MGAT5: variants seen among roughly 807,000 people sequenced by gnomAD.
The protein encoded by MGAT5 is alpha-1,6-mannosylglycoprotein 6-beta-N-acetylglucosaminyltransferase, also known as alpha-1,6-mannosylglycoprotein 6-beta-N-acetylglucosaminyltransferase A.
MGAT5 carries 30 observed loss-of-function variants against 94.3 expected under a neutral mutation model. The observed-to-expected ratio is 0.32, with a 90% confidence interval of 0.24 to 0.43. MGAT5 has a LOEUF of 0.43. Ranked by LOEUF, MGAT5 falls within the 20% of genes least tolerant of loss-of-function variation. The pLI, the probability that MGAT5 is intolerant of heterozygous loss-of-function variation, is 1.00. For missense variants in MGAT5, 691 were observed against 905.5 expected (o/e 0.76, Z 3.04); for synonymous variants, 310 against 322.9 (o/e 0.96, Z 0.43).
At chr2:134,325,016 A>AG (rs1687559223) in intron 4 of MGAT5, among the ~76,000 whole-genome samples, 2 of 151,078 alleles carry the variant, frequency 1.3e-5, no homozygotes, top group Non-Finnish European at 2.9e-5. Flanking sequence ...AATTTAAAAA[A>AG]AAAAAAATCC....
intron 1 of MGAT5, among the ~76,000 whole-genome samples, chr2:134,126,087 C>A (rs1173932093): frequency 3.9e-5 from 6 of 152,200 alleles, no homozygotes; most frequent in Non-Finnish European, 8.8e-5. Flanking sequence ...AGAGCAGAGG[C>A]CACACAAAAT....
intron 1 of MGAT5, among the ~76,000 whole-genome samples, chr2:134,191,534 C>A (rs528155513): frequency 1.8e-3 from 261 of 148,430 alleles, no homozygotes; most frequent in African/African-American, 6.1e-3. Context: ...CTCCTCCTTG[C>A]GGGAGCGGGT....
chr2:134,164,972 G>A (rs1376468359), intron 1 of MGAT5, among the ~76,000 whole-genome samples: 1 of 152,180 alleles, frequency 6.6e-6, no homozygotes, highest in Non-Finnish European at 1.5e-5. Flanking sequence ...CCTCCAGCAC[G>A]GTGTTGGTAG....
intron 10 of MGAT5, among the ~76,000 whole-genome samples, chr2:134,388,168 C>CT (rs1682148069): frequency 6.6e-6 from 1 of 152,166 alleles, no homozygotes; most frequent in Non-Finnish European, 1.5e-5. Flanking sequence ...TTTCTCTCCA[C>CT]TTTGAGTATT....
At chr2:134,162,050 C>G (rs1049014774) in intron 1 of MGAT5, among the ~76,000 whole-genome samples, 1 of 151,712 alleles carries the variant, frequency 6.6e-6, no homozygotes, top group African/African-American at 2.4e-5. Context: ...ATTAGCTGGT[C>G]ATGGTGGTGC....
At chr2:134,309,618 C>T (rs906492892) in intron 2 of MGAT5, among the ~76,000 whole-genome samples, 5 of 152,152 alleles carry the variant, frequency 3.3e-5, no homozygotes, top group African/African-American at 1.2e-4. Flanking sequence ...CAGCTGTGTT[C>T]TTCCTATCAT....
At chr2:134,366,308 A>G (rs147358053) in intron 10 of MGAT5, among the ~76,000 whole-genome samples, 4 of 152,236 alleles carry the variant, frequency 2.6e-5, no homozygotes, top group Admixed American at 6.5e-5. Flanking sequence ...AAATATGGGA[A>G]TTGAAGTGTT....
intron 8 of MGAT5, among the ~76,000 whole-genome samples, chr2:134,346,771 G>A (rs1418024521): frequency 5.3e-5 from 8 of 152,132 alleles, no homozygotes; most frequent in Non-Finnish European, 1.5e-5. Flanking sequence ...CACACAACTA[G>A]TATTCTGCTA....
intron 13 of MGAT5, among the ~76,000 whole-genome samples, chr2:134,423,202 A>G (rs1045872279): frequency 4.6e-5 from 7 of 152,348 alleles, no homozygotes; most frequent in Non-Finnish European, 8.8e-5. Context: ...TACTTGGTTC[A>G]GTGACCTGAT....
chr2:134,329,384 G>A (rs1687820759), intron 4 of MGAT5, among the ~76,000 whole-genome samples: 1 of 152,118 alleles, frequency 6.6e-6, no homozygotes, highest in Admixed American at 6.6e-5. Context: ...AGAACAAATG[G>A]TAGGAGCAAG....
chr2:134,224,320 A>G (rs754822506), intron 1 of MGAT5, among the ~76,000 whole-genome samples: 8 of 152,218 alleles, frequency 5.3e-5, no homozygotes, highest in African/African-American at 1.9e-4. Context: ...GTAAAGTGCT[A>G]TGAATGAGTG....
intron 1 of MGAT5, among the ~76,000 whole-genome samples, chr2:134,207,913 A>G (rs1206648134): frequency 6.6e-6 from 1 of 152,254 alleles, no homozygotes; most frequent in Non-Finnish European, 1.5e-5. Flanking sequence ...TTTGTGTGTC[A>G]TAACTTAAAG....
chr2:134,187,259 A>G (rs781522367), intron 1 of MGAT5, among the ~76,000 whole-genome samples: 15 of 152,140 alleles, frequency 9.9e-5, no homozygotes, highest in Non-Finnish European at 2.9e-5. Flanking sequence ...ATTTGTTTTT[A>G]CAAGGATCAT....
At chr2:134,163,740 C>T (rs933497157) in intron 1 of MGAT5, among the ~76,000 whole-genome samples, 4 of 152,180 alleles carry the variant, frequency 2.6e-5, no homozygotes, top group African/African-American at 9.7e-5. Flanking sequence ...ACACAGTTCC[C>T]ATTCATTACC....
chr2:134,313,627 A>T (rs1483227314), intron 2 of MGAT5, among the ~76,000 whole-genome samples: 1 of 152,168 alleles, frequency 6.6e-6, no homozygotes, highest in Non-Finnish European at 1.5e-5. Context: ...AAAAAATGGC[A>T]TGGGGAAAGC....
intron 10 of MGAT5, among the ~76,000 whole-genome samples, chr2:134,382,082 C>T (rs770327676): frequency 8.3e-4 from 126 of 152,104 alleles, no homozygotes; most frequent in Non-Finnish European, 1.5e-3. Flanking sequence ...TGGAATCACC[C>T]GGAGAGCCAT....
intron 1 of MGAT5, among the ~76,000 whole-genome samples, chr2:134,220,301 G>A (rs889267826): frequency 1.3e-5 from 2 of 152,084 alleles, no homozygotes; most frequent in African/African-American, 4.8e-5. Context: ...CATTCACTCC[G>A]TTTTTCTTTC....
intron 1 of MGAT5, among the ~76,000 whole-genome samples, chr2:134,188,667 A>G (rs938040755): frequency 6.6e-6 from 1 of 152,154 alleles, no homozygotes; most frequent in African/African-American, 2.4e-5. Flanking sequence ...TGGAAAAAGG[A>G]GGTGGTGGGG....
intron 1 of MGAT5, among the ~76,000 whole-genome samples, chr2:134,131,081 T>G (rs1340730401): frequency 6.6e-6 from 1 of 152,198 alleles, no homozygotes; most frequent in Non-Finnish European, 1.5e-5. Flanking sequence ...TGCTGGTCAC[T>G]CTTTGGGTCC....
Sources: allele counts gnomAD v4.1 joint callset (sites outside exome capture counted in the v4.1 genomes callset), GRCh38; gene constraint gnomAD v4.1.1; transcripts MANE v1.5; gene names NCBI Gene and HGNC (gene_info 2026-07-23, HGNC 2026-07-21).